The following PTH2 variants were observed in gnomAD, a reference collection of about 807,000 sequenced individuals.
PTH2 encodes the protein parathyroid hormone 2.
PTH2 carries 5 observed loss-of-function variants against 6.2 expected under a neutral mutation model. That is an observed-to-expected ratio of 0.80 (90% CI 0.42 to 1.69). PTH2 has a LOEUF of 1.69. PTH2 is among the 40% of genes most tolerant of loss of function. PTH2 has a pLI of 0.02. For missense variants in PTH2, 156 were observed against 142.5 expected, an observed-to-expected ratio of 1.09 and a Z score of -0.48; for synonymous variants, 67 against 73.6, an observed-to-expected ratio of 0.91 and a Z score of 0.46.
At position 49,422,477 on chromosome 19, in the gene PTH2, A is replaced by G; in HGVS notation, c.294T>C (p.Asp98=). The change falls in exon 2 of 2, where the codon GAT becomes GAC. Residue 98 remains aspartate (D), a synonymous_variant. Transcript: ENST00000270631. ...NSYMHKLLVL[D]AP is the part of the protein sequence containing the mutation. ...GGGACGGGCAGCGCGCTCAGGGCGC[A>G]TCCAACACCAGCAGCTTGTGCATGT... The G allele has an allele frequency of 6.2e-7, 1 of 1,600,560 alleles. No homozygotes were observed. The highest frequency in any genetic ancestry group is 1.4e-5 in the African/African-American group (1 of 72,482).
Position 49,423,424 on chromosome 19 carries a change from T to G in PTH2, c.-85A>C, listed in dbSNP as rs1975040559. 6.7e-7 allele frequency: 1 copy of G among 1,486,334 alleles called. No homozygotes were observed. The allele number at this position is 1,486,334 out of a possible 1,614,324, so 92.1% of individuals were successfully genotyped here. A position where few individuals can be genotyped will look rare whatever the true frequency, so the allele number is the denominator to read the frequency against. On this transcript the variant is annotated 5_prime_UTR_variant, in exon 1 of 2. Transcript: ENST00000270631. ...CCCCACCATGCATCCACCCCCAGCT[T>G]CCCGCACAGTCCCCTACCGTGCAGT...
Position 49,422,553 on chromosome 19 carries a change from TC to T in PTH2, c.217del (p.Glu73SerfsTer15), listed in dbSNP as rs757714620. 2.2e-4 allele frequency: 343 copies of T among 1,593,816 alleles called. No individual in the cohort carries two copies. The highest frequency in any genetic ancestry group is 2.8e-4 in the Non-Finnish European group (327 of 1,172,582). ...LALADDAAFR[E>X]RARLLAALER... Reference sequence around the variant, plus strand: ...GAGGGCGGCCAGCAACCGCGCGCGCTCCCGGAAGGCCGCGTCGTCCGCCAGC... The same window carrying T: ...GAGGGCGGCCAGCAACCGCGCGCGCTCCGGAAGGCCGCGTCGTCCGCCAGC... On this transcript the variant is annotated frameshift_variant, in exon 2 of 2. Coordinates refer to ENST00000270631, the MANE Select transcript of PTH2 (RefSeq NM_178449.4). LOFTEE classifies it high-confidence loss of function.
Position 49,422,425 on chromosome 19 carries a change from G to A in PTH2, c.*43C>T, listed in dbSNP as rs776681053. 24 of 1,568,548 alleles carry A rather than the reference G, an allele frequency of 1.5e-5. No homozygotes were observed. In the East Asian group the frequency reaches 3.7e-4, roughly 24 times the overall value. On this transcript the variant is annotated 3_prime_UTR_variant, in exon 2 of 2. Coordinates refer to ENST00000270631, the MANE Select transcript of PTH2 (RefSeq NM_178449.4). ...GCGCAGGAACTAGGCGCAGTCCGGAGCGCAGGGCATGGTCTTTATTAAGAT... is the reference window on the plus strand; with the variant it reads ...GCGCAGGAACTAGGCGCAGTCCGGAACGCAGGGCATGGTCTTTATTAAGAT...
rs1975036474 is a variant in PTH2, at chr19:49,423,239, A to G, written c.101T>C (p.Val34Ala). The change falls in exon 1 of 2, where the codon GTC becomes GCC. Residue 34 changes from valine to alanine, a missense_variant. Transcript: ENST00000270631. ...VPWGVRTASGVALPPVGVLSL... is the reference protein window; with the variant it reads ...VPWGVRTASGAALPPVGVLSL... ...GAGGACCCCGACCGGGGGCAGGGCG[A>G]CTCCCGAGGCAGTGCGGACGCCCCA... is the stretch of plus-strand genomic sequence containing the variant. 6.2e-7 allele frequency: 1 copy of G among 1,612,286 alleles called. No homozygotes were observed. The highest frequency in any genetic ancestry group is 8.5e-7 in the Non-Finnish European group (1 of 1,179,446).
Position 49,423,419 on chromosome 19 carries a change from C to G in PTH2, c.-80G>C, listed in dbSNP as rs1270776939. 1.2e-5 allele frequency: 18 copies of G among 1,502,316 alleles called. No individual in the cohort carries two copies. In the Middle Eastern group the frequency reaches 1.1e-3, roughly 91 times the overall value. 93.1% of individuals were successfully genotyped at this position (1,502,316 alleles called of 1,614,324 possible). On this transcript the variant is annotated 5_prime_UTR_variant, in exon 1 of 2. Transcript: ENST00000270631. ...CCGGGCCCCACCATGCATCCACCCC[C>G]AGCTTCCCGCACAGTCCCCTACCGT...
Position 49,423,069 on chromosome 19 carries a change from C to G in PTH2, c.128+143G>C, listed in dbSNP as rs533163110. ...CCTCCCGCCTTCCCCCACCCCTAGT[C>G]TCTGTCTTCTCGCTGGGTCTCGGTC... On this transcript the variant is annotated intron_variant, in intron 1 of 1. Transcript: ENST00000270631. The G allele has an allele frequency of 2.0e-4, 209 of 1,056,146 alleles. No homozygotes were observed. In the African/African-American group the frequency reaches 3.1e-3, roughly 16 times the overall value. 65.4% of individuals were successfully genotyped at this position (1,056,146 alleles called of 1,614,324 possible).
rs773701582 is a variant in PTH2, at chr19:49,422,504, C to T, written c.267G>A (p.Ser89=). 10 of 1,600,290 alleles carry T rather than the reference C, an allele frequency of 6.2e-6. No homozygotes were observed. In the South Asian group the frequency reaches 7.8e-5, roughly 12 times the overall value. Residue 89 remains serine (S), a synonymous_variant, in exon 2 of 2, where the codon TCG becomes TCA. Coordinates refer to ENST00000270631, the MANE Select transcript of PTH2 (RefSeq NM_178449.4). ...CCAACACCAGCAGCTTGTGCATGTA[C>T]GAGTTCAGCCAGTGGCGGCGCTCGA... ...AALERRHWLN[S]YMHKLLVLDA...
Position 49,422,655 on chromosome 19 carries a change from G to A in PTH2, c.129-13C>T, listed in dbSNP as rs557760623. The stretch of plus-strand genomic sequence containing the variant: ...TGGGGGGCGGAGGCTGTGGAGAGAC[G>A]CGGTGACCGCGCGTCCAGACTCGCT... On this transcript the variant is annotated splice_polypyrimidine_tract_variant and intron_variant, in intron 1 of 1. Coordinates refer to ENST00000270631, the MANE Select transcript of PTH2 (RefSeq NM_178449.4). 1.3e-4 allele frequency: 179 copies of A among 1,395,830 alleles called. No individual in the cohort carries two copies. The highest frequency in any genetic ancestry group is 7.7e-4 in the Middle Eastern group (3 of 3,904). 86.5% of individuals were successfully genotyped at this position (1,395,830 alleles called of 1,614,324 possible).
intron 1 of PTH2, 23 bp from the exon 2 acceptor site, chr19:49,422,665 C>T (rs1170477318): frequency 2.2e-6 from 3 of 1,392,238 alleles, no homozygotes; most frequent in African/African-American, 1.5e-5. Flanking sequence ...GCGGTGACCG[C>T]GCGTCCAGAC....
At chr19:49,423,085 G>A in intron 1 of PTH2, 127 bp downstream of exon 1, 1 of 1,206,516 alleles carries the variant, frequency 8.3e-7, no homozygotes, top group Non-Finnish European at 1.2e-6. Flanking sequence ...CTTCTCGCTG[G>A]GTCTCGGTCG....
Position 49,422,463 on chromosome 19 carries a change from C to T in PTH2, c.*5G>A. On this transcript the variant is annotated 3_prime_UTR_variant, in exon 2 of 2. Coordinates refer to ENST00000270631, the MANE Select transcript of PTH2 (RefSeq NM_178449.4). ...TCTTTATTAAGATGGGGACGGGCAG[C>T]GCGCTCAGGGCGCATCCAACACCAG... The T allele has an allele frequency of 1.9e-6, 3 of 1,590,084 alleles. No homozygotes were observed. Among genetic ancestry groups the T allele is most frequent in the Non-Finnish European group, 2.6e-6 (3 of 1,170,812 alleles).
chr19:49,423,378 A>G lies in PTH2; in HGVS notation c.-39T>C. On this transcript the variant is annotated 5_prime_UTR_variant, in exon 1 of 2. An upstream start codon of the reference 5' UTR is lost. Coordinates refer to ENST00000270631, the MANE Select transcript of PTH2 (RefSeq NM_178449.4). ...CCAGAAAGGGGCTCAGTAGGGCTGC[A>G]TCCCGGCCCAGAACCCCGGGCCCCA... 6.5e-7 allele frequency: 1 copy of G among 1,542,812 alleles called. No homozygotes were observed. The highest frequency in any genetic ancestry group is 1.4e-5 in the African/African-American group (1 of 73,390).
rs996996032 is a variant in PTH2, at chr19:49,422,632, G to C, written c.139C>G (p.Pro47Ala). The change falls in exon 2 of 2, where the codon CCA (proline) becomes GCA (alanine). Residue 47 changes from proline (P) to alanine (A), a missense_variant. Physicochemically the swap from Pro to Ala is conservative, Grantham distance 27 (BLOSUM62 -1). Coordinates refer to ENST00000270631, the MANE Select transcript of PTH2 (RefSeq NM_178449.4). ...GCGGGATCCGCCCAGGCCCGTCCTG[G>C]GGGGCGGAGGCTGTGGAGAGACGCG... ...PPVGVLSLRP[P>A]GRAWADPATP... 9 of 1,422,094 alleles carry C rather than the reference G, an allele frequency of 6.3e-6. No homozygotes were observed. The highest frequency in any genetic ancestry group is 6.1e-5 in the African/African-American group (4 of 65,840). The allele number at this position is 1,422,094 out of a possible 1,614,324, so 88.1% of individuals were successfully genotyped here.
rs1043053622 is a variant in PTH2, at chr19:49,422,481, A to T, written c.290T>A (p.Leu97Ter). Residue 97 changes from leucine (L) to a stop codon, truncating the protein, a stop_gained, in exon 2 of 2, where the codon TTG becomes TAG. Coordinates refer to ENST00000270631, the MANE Select transcript of PTH2 (RefSeq NM_178449.4). LOFTEE classifies it high-confidence loss of function. ...LNSYMHKLLVLDAP is the reference protein window; with the variant it reads ...LNSYMHKLLV ...CGGGCAGCGCGCTCAGGGCGCATCC[A>T]ACACCAGCAGCTTGTGCATGTACGA... The T allele has an allele frequency of 8.7e-6, 14 of 1,600,948 alleles. No homozygotes were observed. Among genetic ancestry groups the T allele is most frequent in the Admixed American group, 1.7e-5 (1 of 58,672 alleles).
intron 1 of PTH2, 60 bp from the exon 2 acceptor site, chr19:49,422,702 C>T (rs1010086249): frequency 3.2e-5 from 43 of 1,360,380 alleles, no homozygotes; most frequent in Non-Finnish European, 3.9e-5. Flanking sequence ...CTGTCCTCCC[C>T]GCGGTCTAAC....
In PTH2 at chr19:49,422,600, G is replaced by A. The variant is rs760121554; in HGVS notation, c.171C>T (p.Pro57=). ...CCAGCGCCAGGCTCCTCCGCGGCCT[G>A]GGGGTGGCGGGATCCGCCCAGGCCC... ...PGRAWADPAT[P]RPRRSLALAD... Residue 57 remains proline (P), a synonymous_variant, in exon 2 of 2, where the codon CCC becomes CCT. Transcript: ENST00000270631. 2.0e-6 allele frequency: 3 copies of A among 1,498,714 alleles called. No individual in the cohort carries two copies. The highest frequency in any genetic ancestry group is 2.7e-6 in the Non-Finnish European group (3 of 1,130,480). The allele number at this position is 1,498,714 out of a possible 1,614,324, so 92.8% of individuals were successfully genotyped here.
intron 1 of PTH2, 26 bp from the exon 2 acceptor site, chr19:49,422,668 G>T (rs1568629843): frequency 3.6e-6 from 5 of 1,390,102 alleles, no homozygotes; most frequent in Non-Finnish European, 4.7e-6. Flanking sequence ...GTGACCGCGC[G>T]TCCAGACTCG....
In PTH2 at chr19:49,422,462, G is replaced by C. The variant is rs1417009641; in HGVS notation, c.*6C>G. 6.3e-7 allele frequency: 1 copy of C among 1,590,324 alleles called. No homozygotes were observed. The highest frequency in any genetic ancestry group is 8.5e-7 in the Non-Finnish European group (1 of 1,170,928). On this transcript the variant is annotated 3_prime_UTR_variant, in exon 2 of 2. Coordinates refer to ENST00000270631, the MANE Select transcript of PTH2 (RefSeq NM_178449.4). ...GTCTTTATTAAGATGGGGACGGGCA[G>C]CGCGCTCAGGGCGCATCCAACACCA...
In PTH2 at chr19:49,422,584, G is replaced by A. The variant is rs1183154813; in HGVS notation, c.187C>T (p.Leu63=). Residue 63 remains leucine, a synonymous_variant, in exon 2 of 2, where the codon CTG becomes TTG. Transcript: ENST00000270631. ...AAGGCCGCGTCGTCCGCCAGCGCCA[G>A]GCTCCTCCGCGGCCTGGGGGTGGCG... ...DPATPRPRRS[L]ALADDAAFRE... is the part of the protein sequence containing the mutation. The A allele has an allele frequency of 6.4e-7, 1 of 1,564,296 alleles. No individual in the cohort carries two copies. The highest frequency in any genetic ancestry group is 1.9e-5 in the Admixed American group (1 of 52,218).
Sources: allele counts gnomAD v4.1 joint callset, GRCh38; gene constraint gnomAD v4.1.1; transcripts MANE v1.5; gene names NCBI Gene and HGNC (gene_info 2026-07-23, HGNC 2026-07-21).